SIAH1: variants seen among roughly 807,000 people sequenced by gnomAD.
SIAH1 encodes the protein siah E3 ubiquitin protein ligase 1, also known as E3 ubiquitin-protein ligase SIAH1.
A neutral mutation model predicts 20.0 loss-of-function variants in SIAH1; 2 were observed. The observed-to-expected ratio is 0.10, with a 90% CI of 0.04 to 0.31. The LOEUF (loss-of-function observed/expected upper bound fraction) is 0.31, where lower values mean the gene tolerates loss of function less well. Among genes scored for constraint, SIAH1 ranks in the 10% least tolerant of loss-of-function variants. The pLI is 1.00. For missense variants in SIAH1, 119 were observed against 355.3 expected, an observed-to-expected ratio of 0.33 and a Z score of 5.35; for synonymous variants, 118 against 125.3, an observed-to-expected ratio of 0.94 and a Z score of 0.39.
At chr16:48,365,669 A>C (rs971696303) in intron 1 of SIAH1, 9 of 1,425,694 alleles carry the variant, frequency 6.3e-6, no homozygotes, top group Non-Finnish European at 5.5e-6. Flanking sequence ...AGGCAACCAC[A>C]CCTCCCTGTG....
intron 1 of SIAH1, among the ~76,000 whole-genome samples, chr16:48,373,376 CAG>C (rs374334749): frequency 1.1e-3 from 173 of 152,320 alleles, no homozygotes; most frequent in African/African-American, 3.7e-3. Context: ...TCTCTCCACT[CAG>C]AGTCTTCCTT....
At chr16:48,379,107 C>T (rs1961187756) in intron 1 of SIAH1, among the ~76,000 whole-genome samples, 1 of 152,146 alleles carries the variant, frequency 6.6e-6, no homozygotes, top group African/African-American at 2.4e-5. Context: ...TGTCTCTGCT[C>T]TCATGGAACT....
chr16:48,374,467 C>T (rs769253394), intron 1 of SIAH1, among the ~76,000 whole-genome samples: 13 of 152,136 alleles, frequency 8.5e-5, no homozygotes, highest in Non-Finnish European at 1.8e-4. Context: ...CAAAATACTA[C>T]CTCCCCTGGA....
intron 1 of SIAH1, among the ~76,000 whole-genome samples, chr16:48,384,360 T>A (rs781736514): frequency 2.0e-5 from 3 of 152,140 alleles, no homozygotes; most frequent in Non-Finnish European, 4.4e-5. Flanking sequence ...TATGTATCTT[T>A]CCAGGAACGG....
chr16:48,369,458 A>G (rs1157681253), intron 1 of SIAH1, among the ~76,000 whole-genome samples: 1 of 152,166 alleles, frequency 6.6e-6, no homozygotes, highest in Non-Finnish European at 1.5e-5. Context: ...TTAGATATAC[A>G]TGGAGTTTGG....
At chr16:48,380,943 A>AAAAAAAAAAAAAAAAAAAAC (rs1411656699) in intron 1 of SIAH1, among the ~76,000 whole-genome samples, 4 of 148,090 alleles carry the variant, frequency 2.7e-5, no homozygotes, top group Non-Finnish European at 3.0e-5. Context: ...AAAAAAAAAA[A>AAAAAAAAAAAAAAAAAAAAC]AAGAACGGCT....
chr16:48,382,090 T>C (rs759018855), intron 1 of SIAH1, among the ~76,000 whole-genome samples: 22 of 152,226 alleles, frequency 1.4e-4, no homozygotes, highest in East Asian at 3.9e-4. Flanking sequence ...GGCAAAAAGA[T>C]TGGAGGCCAG....
At chr16:48,363,837 A>G (rs907832395) in intron 1 of SIAH1, 1 of 166,694 alleles carries the variant, frequency 6.0e-6, no homozygotes. Context: ...CCAGGAAGCT[A>G]CCTGGGCTGG....
intron 1 of SIAH1, among the ~76,000 whole-genome samples, chr16:48,373,362 A>C (rs1961029903): frequency 6.6e-6 from 1 of 152,186 alleles, no homozygotes; most frequent in African/African-American, 2.4e-5. Flanking sequence ...ATCACCTCCC[A>C]AAGTCTCTCC....
At chr16:48,379,913 A>G (rs887300256) in intron 1 of SIAH1, among the ~76,000 whole-genome samples, 2 of 152,186 alleles carry the variant, frequency 1.3e-5, no homozygotes, top group African/African-American at 2.4e-5. Context: ...CTTACGAACC[A>G]TATCAAGAAC....
chr16:48,372,457 G>A (rs1961009515), intron 1 of SIAH1, among the ~76,000 whole-genome samples: 2 of 152,100 alleles, frequency 1.3e-5, no homozygotes. Context: ...TTACTTTCAT[G>A]TTTTTAATAG....
In SIAH1 at chr16:48,377,662, C is replaced by T. The variant is rs541674865; in HGVS notation, c.-3+7542G>A. ...CACCAGCCTCGGCCTCCCCAAAGTG[C>T]TGGGATTACAGGCGTGAGCCGCCAC... On this transcript the variant is annotated intron_variant, in intron 1 of 1. Coordinates refer to ENST00000394725, the MANE Select transcript of SIAH1 (RefSeq NM_003031.4). Among the ~76,000 whole-genome samples the T allele has an allele frequency of 2.8e-3, 433 of 152,092 alleles. 2 individuals carry two copies. Among genetic ancestry groups the T allele is most frequent in the Non-Finnish European group, 3.2e-3 (217 of 68,006 alleles).
At position 48,360,829 on chromosome 16, in the gene SIAH1, C is replaced by T. The variant is rs1034089631; in HGVS notation, c.*751G>A. 2.0e-5 allele frequency: 3 copies of T among 152,184 alleles called. No individual in the cohort carries two copies. Among genetic ancestry groups the T allele is most frequent in the Non-Finnish European group, 2.9e-5 (2 of 68,022 alleles). 9.4% of individuals were successfully genotyped at this position (152,184 alleles called of 1,614,324 possible). A position where few individuals can be genotyped will look rare whatever the true frequency, so the allele number is the denominator to read the frequency against. Reference sequence around the variant, plus strand: ...TCATCTGTAGAAGACAGAAAGAGAGCACCTTATAGATGCTTTAAATAGCTT... The same window carrying T: ...TCATCTGTAGAAGACAGAAAGAGAGTACCTTATAGATGCTTTAAATAGCTT... On this transcript the variant is annotated 3_prime_UTR_variant, in exon 2 of 2. Transcript: ENST00000394725.
intron 1 of SIAH1, among the ~76,000 whole-genome samples, chr16:48,377,259 A>C: frequency 6.6e-6 from 1 of 152,218 alleles, no homozygotes; most frequent in East Asian, 1.9e-4. Flanking sequence ...AAAAAAACCA[A>C]AAACAAAACA....
chr16:48,368,309 C>G (rs957884872), intron 1 of SIAH1, among the ~76,000 whole-genome samples: 1 of 152,146 alleles, frequency 6.6e-6, no homozygotes, highest in East Asian at 1.9e-4. Context: ...CAATAAACTG[C>G]TTTATAAAGA....
intron 1 of SIAH1, among the ~76,000 whole-genome samples, chr16:48,384,182 A>T (rs1961372880): frequency 6.6e-6 from 1 of 152,190 alleles, no homozygotes; most frequent in Non-Finnish European, 1.5e-5. Context: ...CTATAAGCAA[A>T]GGTAAATGCT....
chr16:48,368,099 A>T (rs1401296218), intron 1 of SIAH1, among the ~76,000 whole-genome samples: 1 of 152,232 alleles, frequency 6.6e-6, no homozygotes, highest in East Asian at 1.9e-4. Flanking sequence ...TTCCTTTTAT[A>T]AATTACTTAT....
At chr16:48,383,920 T>C (rs1385571541) in intron 1 of SIAH1, among the ~76,000 whole-genome samples, 1 of 152,244 alleles carries the variant, frequency 6.6e-6, no homozygotes, top group Non-Finnish European at 1.5e-5. Context: ...TAAGCATTTG[T>C]TGAGAACTTA....
chr16:48,370,529 T>C (rs138362313), intron 1 of SIAH1, among the ~76,000 whole-genome samples: 8 of 152,212 alleles, frequency 5.3e-5, no homozygotes, highest in Non-Finnish European at 1.0e-4. Context: ...CTTAAGAAAA[T>C]AGATTTCGGC....
Sources: allele counts gnomAD v4.1 joint callset (sites outside exome capture counted in the v4.1 genomes callset), GRCh38; gene constraint gnomAD v4.1.1; transcripts MANE v1.5; gene names NCBI Gene and HGNC (gene_info 2026-07-23, HGNC 2026-07-21).